The following PPP1R9B variants were observed in gnomAD, a reference collection of about 807,000 sequenced individuals.
PPP1R9B encodes neurabin-2.
Under a neutral mutation model 75.8 loss-of-function variants are expected in PPP1R9B, and 17 were observed. That is an observed-to-expected ratio of 0.22 (90% CI 0.15 to 0.34). PPP1R9B has a LOEUF of 0.34. PPP1R9B is among the 10% of genes least tolerant of loss of function. The pLI, the probability that PPP1R9B is intolerant of heterozygous loss-of-function variation, is 1.00. For missense variants in PPP1R9B, 875 were observed against 1,196.0 expected (o/e 0.73, Z 3.96); for synonymous variants, 509 against 535.4 (o/e 0.95, Z 0.68).
At chr17:50,141,399 G>A in intron 3 of PPP1R9B, 26 bp from the exon 4 acceptor site, 1 of 1,508,914 alleles carries the variant, frequency 6.6e-7, no homozygotes, top group Non-Finnish European at 9.0e-7. Flanking sequence ...TGGTTAAGGG[G>A]TCACAGGGGA....
chr17:50,135,847 C>A (rs1912214045), intron 8 of PPP1R9B, 121 bp downstream of exon 8: 1 of 922,612 alleles, frequency 1.1e-6, no homozygotes, highest in East Asian at 2.6e-5. Context: ...ACCGGGTGTC[C>A]CCACCATGGG....
In PPP1R9B at chr17:50,134,881, G is replaced by C. The variant is rs1912175796; in HGVS notation, c.*450C>G. Reference sequence around the variant, plus strand: ...TGGGGGGAGAGGGAAGGGCCGAGAAGGTAGAATCTCAAGTCAAGAGGCCCA... The same window carrying C: ...TGGGGGGAGAGGGAAGGGCCGAGAACGTAGAATCTCAAGTCAAGAGGCCCA... On this transcript the variant is annotated 3_prime_UTR_variant, in exon 10 of 10. Transcript: ENST00000612501. 1 of 178,024 alleles carries C rather than the reference G, an allele frequency of 5.6e-6. No individual in the cohort carries two copies. Among genetic ancestry groups the C allele is most frequent in the African/African-American group, 2.4e-5 (1 of 42,010 alleles). The allele number at this position is 178,024 out of a possible 1,614,324, so 11.0% of individuals were successfully genotyped here. A position where few individuals can be genotyped will look rare whatever the true frequency, so the allele number is the denominator to read the frequency against.
At position 50,149,010 on chromosome 17, in the gene PPP1R9B, G is replaced by C; in HGVS notation, c.1371+133C>G. On this transcript the variant is annotated intron_variant, in intron 1 of 9. Coordinates refer to ENST00000612501, the MANE Select transcript of PPP1R9B (RefSeq NM_032595.5). This position sits in a 1 kb window ranked among gnomAD's most constrained non-coding sequence, Gnocchi z 7.2. ...CTCCCCCACGCCCCCCTGAGGGTGG[G>C]AACTTCTGGGAAGGGGGCTGGGTGG... is the stretch of plus-strand genomic sequence containing the variant. The C allele has an allele frequency of 1.7e-6, 1 of 600,104 alleles. No individual in the cohort carries two copies. The highest frequency in any genetic ancestry group is 2.6e-6 in the Non-Finnish European group (1 of 377,446). 37.2% of individuals were successfully genotyped at this position (600,104 alleles called of 1,614,324 possible).
chr17:50,135,446 C>A, intron 9 of PPP1R9B, 62 bp from the exon 10 acceptor site: 1 of 1,586,552 alleles, frequency 6.3e-7, no homozygotes. Context: ...CAGCCCCTTC[C>A]GCCCCCCGGT....
intron 1 of PPP1R9B, among the ~76,000 whole-genome samples, chr17:50,147,211 GGCTGCCCACCATGATATGCC>G (rs1290280824): frequency 6.6e-6 from 1 of 152,168 alleles, no homozygotes; most frequent in Non-Finnish European, 1.5e-5. Flanking sequence ...CCCCTCCTCG[GGCTGCCCACCATGATATGCC>G]GGTCTAGCAG....
rs1912304481 is a variant in PPP1R9B at position 50,139,202 on chromosome 17, G to C, written c.2073+61C>G. ...AGCATGTGCAGGTGTGAGGGTAGGGGGACCCTGCTCCTCAACACACACATG... is the reference window on the plus strand; with the variant it reads ...AGCATGTGCAGGTGTGAGGGTAGGGCGACCCTGCTCCTCAACACACACATG... On this transcript the variant is annotated intron_variant, in intron 7 of 9. Coordinates refer to ENST00000612501, the MANE Select transcript of PPP1R9B (RefSeq NM_032595.5). The surrounding 1 kb of genome is among the most constrained non-coding windows in gnomAD (Gnocchi z 5.0). 6.3e-7 allele frequency: 1 copy of C among 1,594,366 alleles called. No individual in the cohort carries two copies.
intron 7 of PPP1R9B, among the ~76,000 whole-genome samples, chr17:50,137,036 C>T (rs1233371521): frequency 6.6e-6 from 1 of 152,208 alleles, no homozygotes; most frequent in African/African-American, 2.4e-5. Flanking sequence ...GTCCCCCAGC[C>T]ACACAGGCCT....
At chr17:50,140,380 G>A in intron 4 of PPP1R9B, 152 bp from the exon 5 acceptor site, 1 of 957,566 alleles carries the variant, frequency 1.0e-6, no homozygotes, top group South Asian at 1.7e-5. Flanking sequence ...AATAATGAAT[G>A]GGGGAATGAG....
intron 4 of PPP1R9B, 117 bp from the exon 5 acceptor site, chr17:50,140,345 G>C: frequency 7.7e-7 from 1 of 1,304,678 alleles, no homozygotes; most frequent in Non-Finnish European, 1.0e-6. Context: ...GAGATGAGAG[G>C]GCTGAGTCCG....
At position 50,149,105 on chromosome 17, in the gene PPP1R9B, A is replaced by G. The variant is rs1457448736; in HGVS notation, c.1371+38T>C. On this transcript the variant is annotated intron_variant, in intron 1 of 9. Coordinates refer to ENST00000612501, the MANE Select transcript of PPP1R9B (RefSeq NM_032595.5). This position sits in a 1 kb window ranked among gnomAD's most constrained non-coding sequence, Gnocchi z 7.2. Reference sequence around the variant, plus strand: ...GCGGGGGCGGCCGCGTGCACGTGGCAGGGGCGGCGCGGGGGCAGGGCGGGG... The same window carrying G: ...GCGGGGGCGGCCGCGTGCACGTGGCGGGGGCGGCGCGGGGGCAGGGCGGGG... 1.5e-6 allele frequency: 2 copies of G among 1,290,632 alleles called. No homozygotes were observed. Among genetic ancestry groups the G allele is most frequent in the Non-Finnish European group, 2.0e-6 (2 of 1,007,264 alleles). 79.9% of individuals were successfully genotyped at this position (1,290,632 alleles called of 1,614,324 possible).
intron 1 of PPP1R9B, among the ~76,000 whole-genome samples, chr17:50,147,362 G>A (rs777488552): frequency 6.6e-6 from 1 of 152,250 alleles, no homozygotes; most frequent in Non-Finnish European, 1.5e-5. Flanking sequence ...CCGGGACCCT[G>A]GACTTGGCAT....
At chr17:50,137,248 G>C (rs768548568) in intron 7 of PPP1R9B, 4 of 152,302 alleles carry the variant, frequency 2.6e-5, no homozygotes, top group Non-Finnish European at 5.9e-5. Context: ...CCCGAATCAG[G>C]TTCCTCCTGC....
chr17:50,140,036 T>A, intron 5 of PPP1R9B, 57 bp downstream of exon 5: 1 of 1,587,934 alleles, frequency 6.3e-7, no homozygotes, highest in Non-Finnish European at 8.6e-7. Flanking sequence ...ATGACTGTAA[T>A]GCTTCATCTA....
intron 7 of PPP1R9B, chr17:50,137,189 A>C (rs1187756978): frequency 1.3e-5 from 2 of 150,120 alleles, no homozygotes; most frequent in African/African-American, 2.5e-5. Flanking sequence ...ACTTCTCCAA[A>C]AAAGCCCCCA....
chr17:50,140,068 G>A (rs367927913), intron 5 of PPP1R9B, 25 bp downstream of exon 5: 10 of 1,610,262 alleles, frequency 6.2e-6, no homozygotes, highest in East Asian at 2.2e-5. Flanking sequence ...GCGACCACGC[G>A]GCCAGCCAGG....
intron 2 of PPP1R9B, 129 bp from the exon 3 acceptor site, chr17:50,143,847 G>T: frequency 7.7e-7 from 1 of 1,306,416 alleles, no homozygotes. Context: ...CACAACTGAA[G>T]AAGGGATATA....
chr17:50,149,063 G>T lies in PPP1R9B; in HGVS notation c.1371+80C>A. 2 of 1,050,294 alleles carry T rather than the reference G, an allele frequency of 1.9e-6. No individual in the cohort carries two copies. The highest frequency in any genetic ancestry group is 1.2e-6 in the Non-Finnish European group (1 of 810,450). The allele number at this position is 1,050,294 out of a possible 1,614,324, so 65.1% of individuals were successfully genotyped here. A position where few individuals can be genotyped will look rare whatever the true frequency, so the allele number is the denominator to read the frequency against. On this transcript the variant is annotated intron_variant, in intron 1 of 9. Transcript: ENST00000612501. The surrounding 1 kb of genome is among the most constrained non-coding windows in gnomAD (Gnocchi z 7.2). ...GGGGCTGACTCAGCCTGCCAAACCC[G>T]GCTGGCTGGCTGGCGAGCGGGGGCG...
chr17:50,133,846 G>GCTGGGCAGGGGTGGC lies in PPP1R9B; in HGVS notation c.*1470_*1484dup, dbSNP rs1230517727. On this transcript the variant is annotated 3_prime_UTR_variant, in exon 10 of 10. Coordinates refer to ENST00000612501, the MANE Select transcript of PPP1R9B (RefSeq NM_032595.5). ...ATACAGAGATGCGGCCCTCCCGACG[G>GCTGGGCAGGGGTGGC]CTGGGCAGGGGTGGCCGCTGGCCCA... 4 of 152,498 alleles carry GCTGGGCAGGGGTGGC rather than the reference G, an allele frequency of 2.6e-5. No individual in the cohort carries two copies. Among genetic ancestry groups the GCTGGGCAGGGGTGGC allele is most frequent in the Non-Finnish European group, 5.9e-5 (4 of 68,078 alleles). The allele number at this position is 152,498 out of a possible 1,614,324, so 9.4% of individuals were successfully genotyped here.
intron 7 of PPP1R9B, 84 bp from the exon 8 acceptor site, chr17:50,136,281 C>T (rs1035849746): frequency 1.0e-5 from 12 of 1,162,274 alleles, no homozygotes; most frequent in African/African-American, 4.6e-5. Context: ...GGGCCAGAGT[C>T]GCCAGGGGAT....
Sources: allele counts gnomAD v4.1 joint callset (sites outside exome capture counted in the v4.1 genomes callset), GRCh38; gene constraint gnomAD v4.1.1; non-coding constraint Gnocchi (gnomAD v3.1); transcripts MANE v1.5; gene names NCBI Gene and HGNC (gene_info 2026-07-23, HGNC 2026-07-21).